CUX1: variants seen among roughly 807,000 people sequenced by gnomAD.
CUX1 encodes the protein protein CASP.
A neutral mutation model predicts 158.8 loss-of-function variants in CUX1; 31 were observed. That is an observed-to-expected ratio of 0.20 (90% CI 0.15 to 0.26). The LOEUF (loss-of-function observed/expected upper bound fraction) is 0.26. Ranked by LOEUF, CUX1 falls within the 10% of genes least tolerant of loss-of-function variation. CUX1 has a pLI of 1.00. For missense variants in CUX1, 1,589 were observed against 2,014.6 expected, an observed-to-expected ratio of 0.79 and a Z score of 4.04; for synonymous variants, 879 against 862.1, an observed-to-expected ratio of 1.02 and a Z score of -0.34.
intron 1 of CUX1, among the ~76,000 whole-genome samples, chr7:101,907,550 T>A (rs538093911): frequency 6.6e-6 from 1 of 152,264 alleles, no homozygotes; most frequent in Admixed American, 6.5e-5. Context: ...GGTTTCACCA[T>A]GTTGGCCTGG....
At chr7:102,154,546 A>C (rs1836039623) in intron 8 of CUX1, 1 of 152,006 alleles carries the variant, frequency 6.6e-6, no homozygotes, top group East Asian at 1.9e-4. Flanking sequence ...GCTTGAGCCC[A>C]GGAGACTGAG....
At chr7:102,149,620 T>G (rs1009609813) in intron 8 of CUX1, among the ~76,000 whole-genome samples, 16 of 152,332 alleles carry the variant, frequency 1.1e-4, no homozygotes, top group African/African-American at 3.8e-4. Flanking sequence ...CCCATCGCCA[T>G]CAGGGCACGA....
chr7:102,084,858 CTTTT>C (rs60908109), intron 4 of CUX1, among the ~76,000 whole-genome samples: 2,451 of 56,116 alleles, frequency 0.044, 66 homozygotes, highest in African/African-American at 0.15. Flanking sequence ...ATTTTCCTTG[CTTTT>C]TTTTTTTTTT....
chr7:102,084,811 A>G (rs1349122339), intron 4 of CUX1, among the ~76,000 whole-genome samples: 2 of 141,712 alleles, frequency 1.4e-5, no homozygotes, highest in Non-Finnish European at 3.0e-5. Context: ...TGTTTCCTGT[A>G]TCCATCCTGA....
intron 20 of CUX1, among the ~76,000 whole-genome samples, chr7:102,214,592 G>T (rs1349434312): frequency 5.3e-5 from 8 of 152,218 alleles, no homozygotes; most frequent in Non-Finnish European, 1.2e-4. Flanking sequence ...TTCAGTGAAC[G>T]TATACACACT....
intron 3 of CUX1, among the ~76,000 whole-genome samples, chr7:102,042,617 AT>A (rs1393940658): frequency 2.0e-5 from 3 of 152,132 alleles, no homozygotes; most frequent in Non-Finnish European, 4.4e-5. Context: ...TTCCCTACCT[AT>A]AAAACTCATT....
At chr7:101,946,635 TG>T (rs1304411918) in intron 2 of CUX1, among the ~76,000 whole-genome samples, 4 of 151,218 alleles carry the variant, frequency 2.6e-5, no homozygotes, top group Non-Finnish European at 4.4e-5. Context: ...GGGTTGGATT[TG>T]GGGTGGGGAG....
intron 2 of CUX1, among the ~76,000 whole-genome samples, chr7:101,972,769 C>G (rs1417049720): frequency 6.6e-6 from 1 of 152,190 alleles, no homozygotes; most frequent in Admixed American, 6.5e-5. Context: ...AGAGGCCACT[C>G]CTAGAGAAAG....
At chr7:101,876,830 T>C (rs1799196993) in intron 1 of CUX1, among the ~76,000 whole-genome samples, 1 of 152,218 alleles carries the variant, frequency 6.6e-6, no homozygotes, top group African/African-American at 2.4e-5. Context: ...AAATTGATCC[T>C]CTTGAACTCC....
rs549344292 is a variant in CUX1 at position 102,079,036 on chromosome 7, G to A, written c.268+8619G>A. Reference sequence around the variant, plus strand: ...GGTTCTTGGTGCCTGCTACTTTCAAGTGAGGACACATTACAGGTTAAAATT... The same window carrying A: ...GGTTCTTGGTGCCTGCTACTTTCAAATGAGGACACATTACAGGTTAAAATT... On this transcript the variant is annotated intron_variant, in intron 4 of 23. Transcript: ENST00000292535. 3.3e-5 allele frequency among the ~76,000 whole-genome samples: 5 copies of A among 152,308 alleles called. No individual in the cohort carries two copies. In the East Asian group the frequency reaches 7.7e-4, roughly 23 times the overall value.
At chr7:102,197,437 C>G (rs1424885094) in intron 15 of CUX1, 132 bp downstream of exon 15, 1 of 1,087,820 alleles carries the variant, frequency 9.2e-7, no homozygotes. Context: ...GTTCTCTTTG[C>G]TTCTGCCACG....
chr7:101,991,539 A>T (rs901902706), intron 2 of CUX1, among the ~76,000 whole-genome samples: 2 of 152,108 alleles, frequency 1.3e-5, no homozygotes, highest in African/African-American at 4.8e-5. Context: ...GGGGTGGATC[A>T]CTTGAGGTCA....
chr7:102,028,139 A>G lies in CUX1; in HGVS notation c.183A>G (p.Gln61=). The G allele has an allele frequency of 6.2e-7, 1 of 1,612,896 alleles. No individual in the cohort carries two copies. Among genetic ancestry groups the G allele is most frequent in the Non-Finnish European group, 8.5e-7 (1 of 1,179,992 alleles). ...TAGCGCCGCTGCTGAAGAGTTTCCA[A>G]GGAGAGGTAAGCTTTTCTATTCATT... is the stretch of plus-strand genomic sequence containing the variant. ...KQVAPLLKSF[Q]GEIDALSKRS... The change falls in exon 3 of 24, where the codon CAA becomes CAG. Residue 61 remains glutamine (Q), a synonymous_variant. Transcript: ENST00000292535.
intron 2 of CUX1, among the ~76,000 whole-genome samples, chr7:101,964,080 A>G (rs1188248900): frequency 2.6e-5 from 4 of 152,110 alleles, no homozygotes; most frequent in African/African-American, 9.7e-5. Context: ...TACCGGGCAC[A>G]GTGGCTTATG....
Position 101,817,770 on chromosome 7 carries a change from G to C in CUX1, c.30+101G>C. The stretch of plus-strand genomic sequence containing the variant: ...CCCGCGGCTTAGAATGCTCTAGGGC[G>C]GCCTGGTGCTCTGGGAGGGGATAGG... On this transcript the variant is annotated intron_variant, in intron 1 of 23. Coordinates refer to ENST00000292535, the MANE Select transcript of CUX1 (RefSeq NM_181552.4). The surrounding 1 kb of genome is among the most constrained non-coding windows in gnomAD (Gnocchi z 4.1). 3 of 1,429,338 alleles carry C rather than the reference G, an allele frequency of 2.1e-6. No homozygotes were observed. The highest frequency in any genetic ancestry group is 2.8e-6 in the Non-Finnish European group (3 of 1,060,800). The allele number at this position is 1,429,338 out of a possible 1,614,324, so 88.5% of individuals were successfully genotyped here.
At chr7:101,882,571 A>T (rs1226708921) in intron 1 of CUX1, among the ~76,000 whole-genome samples, 1 of 152,238 alleles carries the variant, frequency 6.6e-6, no homozygotes, top group Middle Eastern at 3.2e-3. Context: ...CTTGGTCTTC[A>T]TTCAGGCTAG....
intron 1 of CUX1, among the ~76,000 whole-genome samples, chr7:101,908,238 T>G (rs1802977928): frequency 6.6e-6 from 1 of 152,110 alleles, no homozygotes; most frequent in African/African-American, 2.4e-5. Flanking sequence ...TCTGGGGAGG[T>G]GTTTTTACAC....
chr7:102,126,491 T>C (rs1456575887), intron 8 of CUX1, among the ~76,000 whole-genome samples: 4 of 152,322 alleles, frequency 2.6e-5, no homozygotes. Flanking sequence ...TCCATAGTCT[T>C]TTTTTCTATA....
At chr7:102,179,937 G>A (rs1390959518) in intron 11 of CUX1, among the ~76,000 whole-genome samples, 1 of 152,184 alleles carries the variant, frequency 6.6e-6, no homozygotes, top group Admixed American at 6.5e-5. Flanking sequence ...AGTGGGTCAG[G>A]GTTCATTGTG....
Sources: allele counts gnomAD v4.1 joint callset (sites outside exome capture counted in the v4.1 genomes callset), GRCh38; gene constraint gnomAD v4.1.1; non-coding constraint Gnocchi (gnomAD v3.1); transcripts MANE v1.5; gene names NCBI Gene and HGNC (gene_info 2026-07-23, HGNC 2026-07-21).